The following LHFPL3 variants were observed in gnomAD, a reference collection of about 807,000 sequenced individuals.
The protein encoded by LHFPL3 is LHFPL tetraspan subfamily member 3 protein.
LHFPL3 carries 5 observed loss-of-function variants against 19.3 expected under a neutral mutation model. That is an observed-to-expected ratio of 0.26 (90% CI 0.14 to 0.54). The LOEUF (loss-of-function observed/expected upper bound fraction) is 0.54, where lower values mean the gene tolerates loss of function less well. Among genes scored for constraint, LHFPL3 ranks in the 20% least tolerant of loss-of-function variants. The probability of loss-of-function intolerance (pLI) is 0.94; values close to 1 mark genes in which losing one functional copy is unlikely to be tolerated. For missense variants in LHFPL3, 249 were observed against 307.4 expected (o/e 0.81, Z 1.42); for synonymous variants, 133 against 126.2 (o/e 1.05, Z -0.36).
intron 1 of LHFPL3, among the ~76,000 whole-genome samples, chr7:104,560,605 A>G (rs567935955): frequency 5.4e-4 from 82 of 150,868 alleles, no homozygotes; most frequent in African/African-American, 1.8e-3. Context: ...CGGTCTATCA[A>G]TTTTGTTGAT....
chr7:104,596,447 T>C (rs912521742), intron 1 of LHFPL3, among the ~76,000 whole-genome samples: 1 of 152,246 alleles, frequency 6.6e-6, no homozygotes, highest in African/African-American at 2.4e-5. Context: ...GTATGATTTA[T>C]TGATGGTTAC....
intron 1 of LHFPL3, among the ~76,000 whole-genome samples, chr7:104,604,135 G>A (rs892073091): frequency 1.3e-5 from 2 of 152,130 alleles, no homozygotes; most frequent in East Asian, 1.9e-4. Context: ...TGAAATCTAG[G>A]TGGAGACCGC....
At chr7:104,699,854 G>A (rs1008503359) in intron 1 of LHFPL3, among the ~76,000 whole-genome samples, 1 of 152,110 alleles carries the variant, frequency 6.6e-6, no homozygotes. Flanking sequence ...AGGAAGCTCC[G>A]TCCATACTGC....
chr7:104,348,223 A>G (rs768370937), intron 1 of LHFPL3, among the ~76,000 whole-genome samples: 12 of 152,162 alleles, frequency 7.9e-5, no homozygotes, highest in Non-Finnish European at 1.8e-4. Flanking sequence ...CATCTCTACT[A>G]AAAATACAAA....
chr7:104,543,912 A>G (rs936450964), intron 1 of LHFPL3, among the ~76,000 whole-genome samples: 28 of 148,994 alleles, frequency 1.9e-4, no homozygotes, highest in African/African-American at 6.4e-4. Context: ...ATATAATAAT[A>G]ATAATAATAA....
At chr7:104,825,074 G>A (rs1790790872) in intron 2 of LHFPL3, among the ~76,000 whole-genome samples, 1 of 150,596 alleles carries the variant, frequency 6.6e-6, no homozygotes, top group Admixed American at 6.7e-5. Context: ...GTAAGTGACA[G>A]GGGAGTGGGG....
At chr7:104,810,557 G>A (rs1224969928) in intron 2 of LHFPL3, among the ~76,000 whole-genome samples, 2 of 152,158 alleles carry the variant, frequency 1.3e-5, no homozygotes, top group African/African-American at 4.8e-5. Context: ...GGGCATCAGT[G>A]GGGTAGCAAG....
intron 1 of LHFPL3, among the ~76,000 whole-genome samples, chr7:104,733,835 G>C (rs1220295903): frequency 6.6e-6 from 1 of 152,168 alleles, no homozygotes; most frequent in Non-Finnish European, 1.5e-5. Flanking sequence ...TTTACAGTTT[G>C]GCATGTCTTT....
chr7:104,607,593 A>G (rs1791126617), intron 1 of LHFPL3, among the ~76,000 whole-genome samples: 1 of 152,204 alleles, frequency 6.6e-6, no homozygotes, highest in African/African-American at 2.4e-5. Context: ...ATGGGCAAGG[A>G]CTTCATGTCT....
At chr7:104,329,400 C>G (rs2116339150) in intron 1 of LHFPL3, among the ~76,000 whole-genome samples, 176 bp downstream of exon 1, 1 of 152,274 alleles carries the variant, frequency 6.6e-6, no homozygotes, top group South Asian at 2.1e-4. Context: ...CCCGGGGTTC[C>G]CCAGCCCCGG....
At chr7:104,654,346 C>T (rs545291342) in intron 1 of LHFPL3, among the ~76,000 whole-genome samples, 5 of 152,186 alleles carry the variant, frequency 3.3e-5, no homozygotes, top group African/African-American at 4.8e-5. Flanking sequence ...GACATATTTC[C>T]GTGACCAGAG....
intron 1 of LHFPL3, among the ~76,000 whole-genome samples, chr7:104,575,371 C>T (rs777983649): frequency 4.0e-5 from 6 of 151,878 alleles, no homozygotes; most frequent in Admixed American, 6.6e-5. Context: ...AAGAATCAAC[C>T]TCGAAAATAA....
At chr7:104,663,377 C>A (rs1454832567) in intron 1 of LHFPL3, among the ~76,000 whole-genome samples, 1 of 152,212 alleles carries the variant, frequency 6.6e-6, no homozygotes, top group Admixed American at 6.5e-5. Flanking sequence ...GGCATTCCAA[C>A]CCAGGAAGAA....
At chr7:104,685,216 A>G in intron 1 of LHFPL3, among the ~76,000 whole-genome samples, 1 of 152,170 alleles carries the variant, frequency 6.6e-6, no homozygotes, top group East Asian at 1.9e-4. Flanking sequence ...GCATGGTGGC[A>G]CATGCCTGTA....
At chr7:104,360,645 G>A (rs1248714855) in intron 1 of LHFPL3, among the ~76,000 whole-genome samples, 1 of 150,682 alleles carries the variant, frequency 6.6e-6, no homozygotes, top group African/African-American at 2.5e-5. Context: ...CAGCTTTAGG[G>A]AGGTTGATTT....
intron 1 of LHFPL3, among the ~76,000 whole-genome samples, chr7:104,460,503 C>A (rs1260774574): frequency 6.6e-6 from 1 of 152,200 alleles, no homozygotes. Flanking sequence ...CACAACCTCA[C>A]TAGCATCTGT....
chr7:104,575,257 A>G (rs765415969), intron 1 of LHFPL3, among the ~76,000 whole-genome samples: 5 of 152,148 alleles, frequency 3.3e-5, no homozygotes, highest in Admixed American at 2.6e-4. Flanking sequence ...CTGGTTTTCA[A>G]ACTATTGCTG....
chr7:104,674,561 G>A (rs141958568), intron 1 of LHFPL3, among the ~76,000 whole-genome samples: 1 of 152,080 alleles, frequency 6.6e-6, no homozygotes, highest in Non-Finnish European at 1.5e-5. Flanking sequence ...TAGAGATGGA[G>A]TTTCACCATG....
chr7:104,716,771 T>G (rs1268171026), intron 1 of LHFPL3, among the ~76,000 whole-genome samples: 5 of 152,152 alleles, frequency 3.3e-5, no homozygotes, highest in African/African-American at 1.2e-4. Context: ...ACATAGTCAA[T>G]GCAAGCTCTA....
Sources: allele counts gnomAD v4.1 joint callset (sites outside exome capture counted in the v4.1 genomes callset), GRCh38; gene constraint gnomAD v4.1.1; transcripts MANE v1.5; gene names NCBI Gene and HGNC (gene_info 2026-07-23, HGNC 2026-07-21).